The following GNAQ variants were observed in gnomAD, a reference collection of about 807,000 sequenced individuals.
GNAQ encodes the protein G protein subunit alpha q.
GNAQ carries 8 observed loss-of-function variants against 43.9 expected under a neutral mutation model. The ratio of observed to expected loss-of-function variants is 0.18; its 90% CI spans 0.11 to 0.33. GNAQ has a LOEUF of 0.33. Ranked by LOEUF, GNAQ falls within the 10% of genes least tolerant of loss-of-function variation. GNAQ has a pLI of 1.00. For synonymous variants in GNAQ, 155 were observed against 170.7 expected, an observed-to-expected ratio of 0.91 and a Z score of 0.71; for missense variants, 158 against 450.8, an observed-to-expected ratio of 0.35 and a Z score of 5.88.
chr9:77,717,549 C>T lies in GNAQ; in HGVS notation c.*3774G>A, dbSNP rs1381225200. 19 of 232,144 alleles carry T rather than the reference C, an allele frequency of 8.2e-5. No homozygotes were observed. The East Asian group carries it at 9.8e-4, about 12-fold the overall frequency. 14.4% of individuals were successfully genotyped at this position (232,144 alleles called of 1,614,324 possible). Reference sequence around the variant, plus strand: ...CAAATAAGTCATTTTGACCCAAATCCAGCATAAATAGCTTTTCACCAATTC... The same window carrying T: ...CAAATAAGTCATTTTGACCCAAATCTAGCATAAATAGCTTTTCACCAATTC... On this transcript the variant is annotated 3_prime_UTR_variant, in exon 7 of 7. Coordinates refer to ENST00000286548, the MANE Select transcript of GNAQ (RefSeq NM_002072.5).
intron 2 of GNAQ, among the ~76,000 whole-genome samples, chr9:77,874,605 T>C (rs1404773370): frequency 6.6e-6 from 1 of 152,110 alleles, no homozygotes; most frequent in African/African-American, 2.4e-5. Context: ...TCAGGACAAC[T>C]AGGCTAAGCA....
chr9:78,013,917 A>T (rs1564178508), intron 1 of GNAQ, among the ~76,000 whole-genome samples: 1 of 152,164 alleles, frequency 6.6e-6, no homozygotes, highest in Non-Finnish European at 1.5e-5. Flanking sequence ...TTTACTATCT[A>T]ACCCTTAAAG....
chr9:77,966,961 G>A lies in GNAQ; in HGVS notation c.137-44616C>T, dbSNP rs1311066990. On this transcript the variant is annotated intron_variant, in intron 1 of 6. Transcript: ENST00000286548. Reference sequence around the variant, plus strand: ...CCAGGTCTTTCATTGCCCTAGGTTCGGGCAGTCCGTCAGCGGCCGCTTTGA... The same window carrying A: ...CCAGGTCTTTCATTGCCCTAGGTTCAGGCAGTCCGTCAGCGGCCGCTTTGA... 5.9e-5 allele frequency among the ~76,000 whole-genome samples: 9 copies of A among 152,112 alleles called. No individual in the cohort carries two copies. The South Asian group carries it at 6.2e-4, about 11-fold the overall frequency.
At chr9:77,832,427 T>C (rs903283133) in intron 2 of GNAQ, among the ~76,000 whole-genome samples, 4 of 152,188 alleles carry the variant, frequency 2.6e-5, no homozygotes, top group Non-Finnish European at 5.9e-5. Flanking sequence ...AACAAACTGA[T>C]GTGGTGCACT....
chr9:77,787,199 A>G (rs1587916428), intron 5 of GNAQ, among the ~76,000 whole-genome samples: 4 of 152,352 alleles, frequency 2.6e-5, no homozygotes, highest in Admixed American at 2.6e-4. Context: ...AAAACTAAAC[A>G]ATGGTATTTA....
chr9:77,901,888 T>G (rs754110132), intron 2 of GNAQ, among the ~76,000 whole-genome samples: 41 of 152,304 alleles, frequency 2.7e-4, no homozygotes, highest in Middle Eastern at 6.8e-3. Context: ...TGATGGCAGC[T>G]TCTTGCTGTG....
chr9:77,760,735 CG>C (rs1485821778), intron 5 of GNAQ, among the ~76,000 whole-genome samples: 3 of 151,220 alleles, frequency 2.0e-5, no homozygotes, highest in African/African-American at 7.3e-5. Flanking sequence ...CGTCTCTGCC[CG>C]GCCGCCATCC....
intron 2 of GNAQ, among the ~76,000 whole-genome samples, chr9:77,894,264 A>T (rs183867102): frequency 4.7e-4 from 68 of 143,376 alleles, no homozygotes; most frequent in Middle Eastern, 7.4e-3. Context: ...TTTAAGTCAT[A>T]AAAGAAGCAG....
chr9:77,716,334 T>C lies in GNAQ; in HGVS notation c.*4989A>G, dbSNP rs1231247689. 1 of 232,172 alleles carries C rather than the reference T, an allele frequency of 4.3e-6. No individual in the cohort carries two copies. The highest frequency in any genetic ancestry group is 6.1e-5 in the East Asian group (1 of 16,432). The allele number at this position is 232,172 out of a possible 1,614,324, so 14.4% of individuals were successfully genotyped here. The stretch of plus-strand genomic sequence containing the variant: ...ATCATTGGGGCATTATTATACAACA[T>C]TAGGTGTTTTTTGCAAAACTAGTTC... On this transcript the variant is annotated 3_prime_UTR_variant, in exon 7 of 7. Transcript: ENST00000286548.
At chr9:78,027,609 G>A (rs1035650970) in intron 1 of GNAQ, among the ~76,000 whole-genome samples, 6 of 152,004 alleles carry the variant, frequency 3.9e-5, no homozygotes, top group Admixed American at 3.9e-4. Context: ...AAAATAGCCG[G>A]GCGTGGTGGT....
At chr9:78,011,467 C>T (rs1823771824) in intron 1 of GNAQ, among the ~76,000 whole-genome samples, 2 of 152,028 alleles carry the variant, frequency 1.3e-5, no homozygotes, top group South Asian at 4.1e-4. Flanking sequence ...AAGGTTTACT[C>T]TAGAAAACAG....
chr9:77,779,065 T>G, intron 5 of GNAQ, among the ~76,000 whole-genome samples: 1 of 151,944 alleles, frequency 6.6e-6, no homozygotes, highest in East Asian at 1.9e-4. Context: ...ATCAATCAAT[T>G]AGATATAATG....
chr9:77,889,888 C>G (rs1828372948), intron 2 of GNAQ, among the ~76,000 whole-genome samples: 1 of 152,108 alleles, frequency 6.6e-6, no homozygotes, highest in Non-Finnish European at 1.5e-5. Context: ...CCAAATGAAG[C>G]TTTTGCTTCC....
chr9:77,836,651 AAAAC>A (rs1182724992), intron 2 of GNAQ, among the ~76,000 whole-genome samples: 1 of 152,186 alleles, frequency 6.6e-6, no homozygotes, highest in African/African-American at 2.4e-5. Flanking sequence ...TAAAACAACA[AAAAC>A]AAAACCACAA....
intron 5 of GNAQ, among the ~76,000 whole-genome samples, chr9:77,785,745 C>A (rs924876972): frequency 6.6e-6 from 1 of 152,052 alleles, no homozygotes; most frequent in Admixed American, 6.5e-5. Flanking sequence ...TTAAATCATT[C>A]AATTAGATAG....
chr9:77,729,973 T>C (rs186590197), intron 5 of GNAQ, among the ~76,000 whole-genome samples: 7 of 152,330 alleles, frequency 4.6e-5, no homozygotes, highest in Admixed American at 3.9e-4. Context: ...CTGGGAACTC[T>C]GGAACAGAGA....
intron 2 of GNAQ, among the ~76,000 whole-genome samples, chr9:77,819,119 A>C (rs189735326): frequency 1.3e-5 from 2 of 151,970 alleles, no homozygotes; most frequent in African/African-American, 4.8e-5. Flanking sequence ...GTTAAAATAT[A>C]CTGGGTGGAA....
At position 77,892,984 on chromosome 9, in the gene GNAQ, T is replaced by C. The variant is rs574676343; in HGVS notation, c.321+29177A>G. Among the ~76,000 whole-genome samples, 38 of 152,318 alleles carry C rather than the reference T, an allele frequency of 2.5e-4. No homozygotes were observed. The East Asian group carries it at 6.8e-3, about 27-fold the overall frequency. On this transcript the variant is annotated intron_variant, in intron 2 of 6. Coordinates refer to ENST00000286548, the MANE Select transcript of GNAQ (RefSeq NM_002072.5). ...AACTCTATCAAAATGTCAAAGGGTT[T>C]TATTGTTCCATCCATTACTTAATTA...
intron 3 of GNAQ, among the ~76,000 whole-genome samples, chr9:77,812,337 G>A (rs1826942453): frequency 1.3e-5 from 2 of 152,042 alleles, no homozygotes; most frequent in Admixed American, 6.6e-5. Flanking sequence ...CTAACGCCAT[G>A]GTAAATCTTA....
Sources: gnomAD v4.1 joint callset for allele counts (sites outside exome capture counted in the v4.1 genomes callset) on GRCh38, gnomAD v4.1.1 for gene constraint, MANE v1.5 for transcripts, NCBI Gene and HGNC (gene_info 2026-07-23, HGNC 2026-07-21) for gene names.